The following PPP3R1 variants were observed in gnomAD, a reference collection of about 807,000 sequenced individuals.
The protein encoded by PPP3R1 is protein phosphatase 3 regulatory subunit B, alpha.
In PPP3R1, 5 loss-of-function variants were observed where a neutral mutation model predicts 22.6. The observed-to-expected ratio is 0.22, with a 90% confidence interval of 0.12 to 0.46. The LOEUF (loss-of-function observed/expected upper bound fraction) is 0.46. Ranked by LOEUF, PPP3R1 falls within the 20% of genes least tolerant of loss-of-function variation. The pLI, the probability that PPP3R1 is intolerant of heterozygous loss-of-function variation, is 0.99. For missense variants in PPP3R1, 61 were observed against 203.2 expected, an observed-to-expected ratio of 0.30 and a Z score of 4.25; for synonymous variants, 56 against 65.2, an observed-to-expected ratio of 0.86 and a Z score of 0.68.
intron 2 of PPP3R1, among the ~76,000 whole-genome samples, chr2:68,195,216 A>C (rs1318836611): frequency 6.6e-6 from 1 of 152,138 alleles, no homozygotes; most frequent in Non-Finnish European, 1.5e-5. Flanking sequence ...CCAATTTGTG[A>C]CAACTCTTGA....
At chr2:68,227,624 A>G (rs1669813606) in intron 1 of PPP3R1, among the ~76,000 whole-genome samples, 1 of 152,034 alleles carries the variant, frequency 6.6e-6, no homozygotes. Flanking sequence ...AAATGCTGCC[A>G]TAATTACAAT....
At chr2:68,221,434 G>A (rs903774393) in intron 1 of PPP3R1, among the ~76,000 whole-genome samples, 1 of 151,596 alleles carries the variant, frequency 6.6e-6, no homozygotes, top group Admixed American at 6.6e-5. Context: ...ATAGGTCAAG[G>A]GTGCAGTGAG....
rs145450655 is a variant in PPP3R1, at chr2:68,207,614, G to T, written c.43+9478C>A. Among the ~76,000 whole-genome samples, 38 of 152,278 alleles carry T rather than the reference G, an allele frequency of 2.5e-4. 2 individuals are homozygous for T. The East Asian group carries it at 5.0e-3, about 20-fold the overall frequency. ...AGCAGAAAAGAATCTGTGAACTATG[G>T]TTCCCTCAAGACTTCTGTTCTTTGA... On this transcript the variant is annotated intron_variant, in intron 2 of 5. Coordinates refer to ENST00000234310, the MANE Select transcript of PPP3R1 (RefSeq NM_000945.4).
At chr2:68,245,160 C>T (rs1464585847) in intron 1 of PPP3R1, among the ~76,000 whole-genome samples, 1 of 152,102 alleles carries the variant, frequency 6.6e-6, no homozygotes, top group African/African-American at 2.4e-5. Context: ...TGCTTGAGCT[C>T]AGGAGTTTGA....
chr2:68,227,250 A>C (rs901612056), intron 1 of PPP3R1, among the ~76,000 whole-genome samples: 2 of 152,106 alleles, frequency 1.3e-5, no homozygotes, highest in African/African-American at 4.8e-5. Context: ...CAAAACTGAC[A>C]ATCGTAATAG....
chr2:68,202,835 C>A lies in PPP3R1; in HGVS notation c.44-14145G>T, dbSNP rs1381189228. 9.9e-5 allele frequency among the ~76,000 whole-genome samples: 12 copies of A among 120,776 alleles called. No homozygotes were observed. In the Admixed American group the frequency reaches 1.1e-3, roughly 12 times the overall value. 79.2% of individuals were successfully genotyped at this position (120,776 alleles called of 152,430 possible). ...TTTTTTTTTTTGAGACGGAGTCTCG[C>A]TCTGTCGCCCAGGCTGGAGTGCAGT... On this transcript the variant is annotated intron_variant, in intron 2 of 5. Coordinates refer to ENST00000234310, the MANE Select transcript of PPP3R1 (RefSeq NM_000945.4).
At chr2:68,195,237 T>A (rs1674743120) in intron 2 of PPP3R1, among the ~76,000 whole-genome samples, 1 of 152,176 alleles carries the variant, frequency 6.6e-6, no homozygotes, top group Non-Finnish European at 1.5e-5. Context: ...TTGATTGTCT[T>A]TCATGACCTT....
Position 68,179,063 on chromosome 2 carries a change from C to T in PPP3R1, c.*1900G>A, listed in dbSNP as rs1674349775. On this transcript the variant is annotated 3_prime_UTR_variant, in exon 6 of 6. Transcript: ENST00000234310. ...CCCCGGTAAGGAAATAATGTTTACA[C>T]TATTTTTCTGTAACGCCAGCCAAGA... 1 of 146,502 alleles carries T rather than the reference C, an allele frequency of 6.8e-6. No individual in the cohort carries two copies. Among genetic ancestry groups the T allele is most frequent in the Non-Finnish European group, 1.5e-5 (1 of 66,738 alleles). 9.1% of individuals were successfully genotyped at this position (146,502 alleles called of 1,614,324 possible).
At chr2:68,188,754 G>A in intron 2 of PPP3R1, 64 bp from the exon 3 acceptor site, 1 of 1,404,228 alleles carries the variant, frequency 7.1e-7, no homozygotes, top group East Asian at 2.5e-5. Flanking sequence ...TTTCTAATGG[G>A]CAGTAGCAAG....
At chr2:68,241,908 T>C (rs965995725) in intron 1 of PPP3R1, among the ~76,000 whole-genome samples, 8 of 151,750 alleles carry the variant, frequency 5.3e-5, no homozygotes, top group African/African-American at 1.7e-4. Flanking sequence ...TGCAAAATCA[T>C]TGTAGACAAG....
intron 1 of PPP3R1, among the ~76,000 whole-genome samples, chr2:68,251,882 A>G (rs1381009570): frequency 7.6e-6 from 1 of 131,070 alleles, no homozygotes; most frequent in East Asian, 2.2e-4. Flanking sequence ...GCGGCGGCCG[A>G]GCAGCAGAGG....
chr2:68,197,960 C>A (rs1445179076), intron 2 of PPP3R1, among the ~76,000 whole-genome samples: 2 of 146,600 alleles, frequency 1.4e-5, no homozygotes, highest in African/African-American at 2.5e-5. Context: ...ACGTTATATG[C>A]CTTTTAAATA....
At chr2:68,223,397 A>C (rs1669724304) in intron 1 of PPP3R1, among the ~76,000 whole-genome samples, 1 of 152,180 alleles carries the variant, frequency 6.6e-6, no homozygotes, top group Non-Finnish European at 1.5e-5. Context: ...CTCTGTCTCA[A>C]AACAACAACA....
At chr2:68,231,280 C>T (rs1669892244) in intron 1 of PPP3R1, among the ~76,000 whole-genome samples, 1 of 152,048 alleles carries the variant, frequency 6.6e-6, no homozygotes, top group Non-Finnish European at 1.5e-5. Context: ...CACTGGGCTA[C>T]TGTATTGTTT....
intron 2 of PPP3R1, among the ~76,000 whole-genome samples, chr2:68,190,219 G>T (rs1319804649): frequency 7.1e-6 from 1 of 141,170 alleles, no homozygotes; most frequent in Non-Finnish European, 1.5e-5. Context: ...GGTTCACAGG[G>T]ATTTTTCACA....
chr2:68,242,727 A>G (rs546359310), intron 1 of PPP3R1, among the ~76,000 whole-genome samples: 2 of 152,346 alleles, frequency 1.3e-5, no homozygotes, highest in African/African-American at 4.8e-5. Flanking sequence ...AAGAAATACT[A>G]GACAATGCCA....
At chr2:68,229,963 T>TACAC (rs1381204435) in intron 1 of PPP3R1, among the ~76,000 whole-genome samples, 103 of 68,280 alleles carry the variant, frequency 1.5e-3, no homozygotes, top group Non-Finnish European at 2.3e-3. Context: ...TGTGTGTATA[T>TACAC]ATACACACAT....
intron 1 of PPP3R1, among the ~76,000 whole-genome samples, chr2:68,217,431 T>G (rs917114597): frequency 1.3e-5 from 2 of 152,152 alleles, no homozygotes; most frequent in African/African-American, 4.8e-5. Flanking sequence ...TATGCCAAAT[T>G]TTAACACATT....
chr2:68,217,017 C>T (rs1386751340), intron 2 of PPP3R1, 75 bp downstream of exon 2: 1 of 950,508 alleles, frequency 1.1e-6, no homozygotes, highest in Non-Finnish European at 1.5e-6. Context: ...ATGATACACA[C>T]ACACACACAC....
Sources: allele counts gnomAD v4.1 joint callset (sites outside exome capture counted in the v4.1 genomes callset), GRCh38; gene constraint gnomAD v4.1.1; transcripts MANE v1.5; gene names NCBI Gene and HGNC (gene_info 2026-07-23, HGNC 2026-07-21).